EGLN3: variants seen among roughly 807,000 people sequenced by gnomAD.
EGLN3 encodes egl-9 family hypoxia inducible factor 3.
In EGLN3, 15 loss-of-function variants were observed where a neutral mutation model predicts 26.0. The ratio of observed to expected loss-of-function variants is 0.58; its 90% CI spans 0.39 to 0.89. EGLN3 has a LOEUF of 0.89. Ranked by LOEUF, EGLN3 falls within the 40% of genes least tolerant of loss-of-function variation. EGLN3 has a pLI of 0.00. For synonymous variants in EGLN3, 147 were observed against 127.2 expected (o/e 1.16, Z -1.05); for missense variants, 238 against 311.6 (o/e 0.76, Z 1.78).
intron 3 of EGLN3, among the ~76,000 whole-genome samples, chr14:33,927,983 G>A (rs967303631): frequency 1.2e-4 from 18 of 151,806 alleles, no homozygotes; most frequent in African/African-American, 3.1e-4. Flanking sequence ...TGTAATGATT[G>A]TTAGCTACTT....
chr14:33,934,258 C>A (rs187830321), intron 1 of EGLN3, among the ~76,000 whole-genome samples: 1 of 152,088 alleles, frequency 6.6e-6, no homozygotes, highest in Non-Finnish European at 1.5e-5. Flanking sequence ...TGAATCAGGC[C>A]GGCCCAGGCT....
At chr14:33,929,249 C>G (rs984156319) in intron 2 of EGLN3, 37 bp from the exon 3 acceptor site, 15 of 1,608,776 alleles carry the variant, frequency 9.3e-6, no homozygotes, top group Non-Finnish European at 1.0e-5. Flanking sequence ...TTTCTTACCT[C>G]TCATGTAGTT....
At position 33,950,379 on chromosome 14, in the gene EGLN3, C is replaced by T; in HGVS notation, c.357+17G>A. 5 of 1,610,884 alleles carry T rather than the reference C, an allele frequency of 3.1e-6. No homozygotes were observed. The highest frequency in any genetic ancestry group is 4.2e-6 in the Non-Finnish European group (5 of 1,178,648). On this transcript the variant is annotated intron_variant, in intron 1 of 4. Transcript: ENST00000250457. ...CCCCGCGGGAGCAGCTGCGGCAGGG[C>T]GCCGAGCGCGTCCTACCTTAGACCT...
At chr14:33,950,237 C>A (rs2064547531) in intron 1 of EGLN3, 159 bp downstream of exon 1, 2 of 703,652 alleles carry the variant, frequency 2.8e-6, no homozygotes, top group South Asian at 1.7e-5. Flanking sequence ...GGAGCTGGGG[C>A]GAGGGGTGGG....
At chr14:33,939,540 T>C (rs978318841) in intron 1 of EGLN3, among the ~76,000 whole-genome samples, 1 of 152,134 alleles carries the variant, frequency 6.6e-6, no homozygotes, top group African/African-American at 2.4e-5. Flanking sequence ...GAAACCTACA[T>C]ATGCATTTCA....
At chr14:33,945,096 A>G (rs2138826979) in intron 1 of EGLN3, among the ~76,000 whole-genome samples, 1 of 152,276 alleles carries the variant, frequency 6.6e-6, no homozygotes, top group East Asian at 1.9e-4. Flanking sequence ...TTCCTACAGG[A>G]GCTAAGTTAT....
intron 1 of EGLN3, among the ~76,000 whole-genome samples, chr14:33,945,686 T>C (rs2064512811): frequency 6.6e-6 from 1 of 152,240 alleles, no homozygotes; most frequent in Non-Finnish European, 1.5e-5. Context: ...TGTTAAGGAC[T>C]TTCTGCTTCC....
At chr14:33,940,542 T>C (rs2064475333) in intron 1 of EGLN3, among the ~76,000 whole-genome samples, 2 of 152,168 alleles carry the variant, frequency 1.3e-5, no homozygotes, top group Admixed American at 6.5e-5. Context: ...CTTTAGCATG[T>C]ATGAGATCAC....
intron 1 of EGLN3, among the ~76,000 whole-genome samples, chr14:33,936,209 G>A (rs968666145): frequency 4.3e-5 from 6 of 140,810 alleles, no homozygotes; most frequent in Non-Finnish European, 6.3e-5. Flanking sequence ...CAGCCTGGGC[G>A]ACAGAGCGAG....
chr14:33,929,038 C>G, intron 3 of EGLN3, 38 bp downstream of exon 3: 2 of 1,608,016 alleles, frequency 1.2e-6, no homozygotes, highest in East Asian at 2.2e-5. Context: ...GGTTTGTACA[C>G]CAAGCTCCGG....
intron 1 of EGLN3, among the ~76,000 whole-genome samples, chr14:33,937,455 T>A (rs2064450782): frequency 6.6e-6 from 1 of 152,194 alleles, no homozygotes. Context: ...CAGACTGATG[T>A]AATAAAATGA....
In EGLN3 at chr14:33,940,795, TGAG is replaced by T. The variant is rs983614580; in HGVS notation, c.358-9583_358-9581del. Among the ~76,000 whole-genome samples the T allele has an allele frequency of 6.8e-4, 104 of 152,258 alleles. 1 individual carries two copies. The highest frequency in any genetic ancestry group is 2.4e-3 in the African/African-American group (101 of 41,556). ...TGAAAGTGGGTGGGTAGAGCAGTAATGAGGAGAATTACTCTGGCAGTTTCTGGC... is the reference window on the plus strand; with the variant it reads ...TGAAAGTGGGTGGGTAGAGCAGTAATGAGAATTACTCTGGCAGTTTCTGGC... On this transcript the variant is annotated intron_variant, in intron 1 of 4. Coordinates refer to ENST00000250457, the MANE Select transcript of EGLN3 (RefSeq NM_022073.4).
intron 4 of EGLN3, among the ~76,000 whole-genome samples, chr14:33,926,218 C>A (rs571301173): frequency 6.6e-6 from 1 of 152,246 alleles, no homozygotes; most frequent in East Asian, 1.9e-4. Context: ...GCAGTGTAGG[C>A]CATCTGGAAG....
At chr14:33,937,345 A>G (rs1202711132) in intron 1 of EGLN3, among the ~76,000 whole-genome samples, 2 of 152,240 alleles carry the variant, frequency 1.3e-5, no homozygotes, top group African/African-American at 2.4e-5. Flanking sequence ...AATTTTGTGT[A>G]AACTGTCATC....
Position 33,931,154 on chromosome 14 carries a change from T to G in EGLN3, c.419A>C (p.Asn140Thr). Residue 140 changes from asparagine (N) to threonine (T), a missense_variant, in exon 2 of 5, where the codon AAC becomes ACC. Physicochemically the swap from Asn to Thr is moderately conservative, Grantham distance 65. Transcript: ENST00000250457. ...TGYVRHVDNP[N>T]GDGRCITCIY... Reference sequence around the variant, plus strand: ...GCAGGTGATGCAGCGACCATCACCGTTGGGGTTGTCCACGTGGCGAACATA... The same window carrying G: ...GCAGGTGATGCAGCGACCATCACCGGTGGGGTTGTCCACGTGGCGAACATA... 1 of 1,614,156 alleles carries G rather than the reference T, an allele frequency of 6.2e-7. No homozygotes were observed. The highest frequency in any genetic ancestry group is 8.5e-7 in the Non-Finnish European group (1 of 1,180,028).
chr14:33,934,259 G>T (rs759716305), intron 1 of EGLN3, among the ~76,000 whole-genome samples: 19 of 152,184 alleles, frequency 1.2e-4, no homozygotes, highest in Non-Finnish European at 2.2e-4. Flanking sequence ...GAATCAGGCC[G>T]GCCCAGGCTG....
chr14:33,930,843 C>G (rs2064397636), intron 2 of EGLN3, among the ~76,000 whole-genome samples: 1 of 152,166 alleles, frequency 6.6e-6, no homozygotes, highest in Non-Finnish European at 1.5e-5. Flanking sequence ...ACCTTCCCTT[C>G]ATCAACCACC....
intron 1 of EGLN3, among the ~76,000 whole-genome samples, chr14:33,944,975 A>G (rs1769617): frequency 0.64 from 97,823 of 152,140 alleles, 31,769 homozygotes; most frequent in African/African-American, 0.74. Context: ...TTGTTTCCAA[A>G]TGTCATTCAC....
chr14:33,927,359 G>T (rs1367508480), intron 3 of EGLN3, among the ~76,000 whole-genome samples: 1 of 151,948 alleles, frequency 6.6e-6, no homozygotes, highest in Non-Finnish European at 1.5e-5. Flanking sequence ...AGTAGAGATG[G>T]GGTTTCACCA....
Sources: allele counts gnomAD v4.1 joint callset (sites outside exome capture counted in the v4.1 genomes callset), GRCh38; gene constraint gnomAD v4.1.1; transcripts MANE v1.5; gene names NCBI Gene and HGNC (gene_info 2026-07-23, HGNC 2026-07-21).